ROBO2: variants seen among roughly 807,000 people sequenced by gnomAD.
ROBO2 encodes roundabout homolog 2.
A neutral mutation model predicts 160.8 loss-of-function variants in ROBO2; 53 were observed. That is an observed-to-expected ratio of 0.33 (90% confidence interval 0.26 to 0.41). ROBO2 has a LOEUF of 0.41. ROBO2 is among the 10% of genes least tolerant of loss of function. The pLI, the probability that ROBO2 is intolerant of heterozygous loss-of-function variation, is 1.00. For missense variants in ROBO2, 1,577 were observed against 1,722.4 expected (o/e 0.92, Z 1.49); for synonymous variants, 664 against 611.7 (o/e 1.09, Z -1.26).
chr3:77,407,904 T>G (rs965479722), intron 2 of ROBO2, among the ~76,000 whole-genome samples: 1 of 152,188 alleles, frequency 6.6e-6, no homozygotes, highest in African/African-American at 2.4e-5. Flanking sequence ...GAATTGTAAG[T>G]TTACACTTGT....
intron 2 of ROBO2, among the ~76,000 whole-genome samples, chr3:76,578,045 G>C (rs2085418144): frequency 6.6e-6 from 1 of 152,034 alleles, no homozygotes; most frequent in Admixed American, 6.6e-5. Context: ...CAATTAATAA[G>C]AGCAAAGAAA....
At chr3:76,392,973 A>T (rs1362582230) in intron 2 of ROBO2, among the ~76,000 whole-genome samples, 3 of 152,198 alleles carry the variant, frequency 2.0e-5, no homozygotes, top group South Asian at 2.1e-4. Context: ...ATTGGCTTCC[A>T]TGCACATTTT....
chr3:76,605,521 A>G (rs577324181), intron 2 of ROBO2, among the ~76,000 whole-genome samples: 1 of 152,318 alleles, frequency 6.6e-6, no homozygotes, highest in Non-Finnish European at 1.5e-5. Context: ...TAGTTATATA[A>G]AAGTTGTACA....
At chr3:76,387,442 TTTTA>T (rs1321954228) in intron 2 of ROBO2, among the ~76,000 whole-genome samples, 1 of 151,468 alleles carries the variant, frequency 6.6e-6, no homozygotes, top group African/African-American at 2.4e-5. Context: ...AGTATTTATT[TTTTA>T]TTTGTTAGAA....
At chr3:76,185,215 T>TATACACAC in intron 2 of ROBO2, among the ~76,000 whole-genome samples, 1 of 90,312 alleles carries the variant, frequency 1.1e-5, no homozygotes, top group African/African-American at 3.8e-5. Context: ...TATATATATA[T>TATACACAC]ACACACACAA....
intron 2 of ROBO2, among the ~76,000 whole-genome samples, chr3:76,028,277 G>T (rs1294978399): frequency 6.6e-6 from 1 of 151,632 alleles, no homozygotes; most frequent in African/African-American, 2.4e-5. Flanking sequence ...AATACATGAA[G>T]GTAAACTAGG....
At chr3:76,406,391 T>A (rs2078125688) in intron 2 of ROBO2, among the ~76,000 whole-genome samples, 1 of 151,924 alleles carries the variant, frequency 6.6e-6, no homozygotes, top group Non-Finnish European at 1.5e-5. Context: ...TAGCAATAGT[T>A]GTAAACAGAT....
intron 2 of ROBO2, among the ~76,000 whole-genome samples, chr3:76,931,206 G>A (rs1577582269): frequency 6.6e-6 from 1 of 151,658 alleles, no homozygotes; most frequent in Non-Finnish European, 1.5e-5. Flanking sequence ...GTGAAAATTA[G>A]AAAAAAAATT....
chr3:76,947,224 A>G lies in ROBO2; in HGVS notation c.110-150790A>G, dbSNP rs374303266. Among the ~76,000 whole-genome samples the G allele has an allele frequency of 5.9e-5, 9 of 152,170 alleles. No homozygotes were observed. The East Asian group carries it at 1.5e-3, about 26-fold the overall frequency. ...ATAGTATCTATAAAAAATAAATATT[A>G]TAATATATTTAACCCATCTATTTAG... is the stretch of plus-strand genomic sequence containing the variant. On this transcript the variant is annotated intron_variant, in intron 2 of 26. Coordinates refer to the ROBO2 transcript ENST00000487694.
intron 2 of ROBO2, among the ~76,000 whole-genome samples, chr3:76,747,266 T>A (rs1218233117): frequency 6.6e-6 from 1 of 152,164 alleles, no homozygotes; most frequent in African/African-American, 2.4e-5. Flanking sequence ...TGCAGAGCAG[T>A]GTACGCAAAA....
intron 5 of ROBO2, among the ~76,000 whole-genome samples, chr3:77,497,915 T>C (rs1464155756): frequency 6.6e-6 from 1 of 152,110 alleles, no homozygotes; most frequent in Non-Finnish European, 1.5e-5. Context: ...AATACATTTG[T>C]AACCAAAGAT....
chr3:76,192,568 ACACG>A (rs1702066690), intron 2 of ROBO2, among the ~76,000 whole-genome samples: 2 of 132,754 alleles, frequency 1.5e-5, no homozygotes, highest in Non-Finnish European at 3.3e-5. Flanking sequence ...ACACACACAC[ACACG>A]TCATAAAAGT....
In ROBO2 at chr3:76,545,465, G is replaced by C. The variant is rs536842798; in HGVS notation, c.110-552549G>C. ...AATGTGGAAGTTTTCTTAAGATAAG[G>C]CTTACAAGTAATTACTGGGGAAACT... is the stretch of plus-strand genomic sequence containing the variant. On this transcript the variant is annotated intron_variant, in intron 2 of 26. Coordinates refer to the ROBO2 transcript ENST00000487694. 2.8e-4 allele frequency among the ~76,000 whole-genome samples: 43 copies of C among 152,006 alleles called. 1 individual carries two copies. Among genetic ancestry groups the C allele is most frequent in the Admixed American group, 2.5e-3 (38 of 15,254 alleles).
At chr3:77,008,182 T>C (rs1338300342) in intron 2 of ROBO2, among the ~76,000 whole-genome samples, 1 of 152,058 alleles carries the variant, frequency 6.6e-6, no homozygotes, top group Non-Finnish European at 1.5e-5. Context: ...AAAAAAGAAG[T>C]TCGGTTTCTT....
chr3:77,129,799 A>C (rs2075684807), intron 2 of ROBO2, among the ~76,000 whole-genome samples: 1 of 152,120 alleles, frequency 6.6e-6, no homozygotes, highest in Non-Finnish European at 1.5e-5. Flanking sequence ...GTTGTAGTTC[A>C]GACTGGCAGC....
intron 17 of ROBO2, among the ~76,000 whole-genome samples, chr3:77,591,457 G>T (rs1387220000): frequency 6.6e-6 from 1 of 152,126 alleles, no homozygotes; most frequent in Non-Finnish European, 1.5e-5. Context: ...TTCATCCTGT[G>T]AGGTAATATT....
chr3:76,221,073 A>T (rs527765823), intron 2 of ROBO2, among the ~76,000 whole-genome samples: 116 of 152,312 alleles, frequency 7.6e-4, no homozygotes, highest in Non-Finnish European at 1.5e-3. Context: ...ACTCTTCTTT[A>T]CTTCCATTGA....
At chr3:77,009,763 T>C (rs1015926112) in intron 2 of ROBO2, among the ~76,000 whole-genome samples, 1 of 151,848 alleles carries the variant, frequency 6.6e-6, no homozygotes, top group Non-Finnish European at 1.5e-5. Flanking sequence ...TTGGCCATCA[T>C]GGTGAAAACC....
chr3:76,180,640 G>A (rs1028362018), intron 2 of ROBO2, among the ~76,000 whole-genome samples: 4 of 152,036 alleles, frequency 2.6e-5, no homozygotes, highest in Non-Finnish European at 5.9e-5. Context: ...CTGCTGCAAC[G>A]ATCTTATTTC....
Sources: gnomAD v4.1 joint callset for allele counts (sites outside exome capture counted in the v4.1 genomes callset) on GRCh38, gnomAD v4.1.1 for gene constraint, MANE v1.5 for transcripts, NCBI Gene and HGNC (gene_info 2026-07-23, HGNC 2026-07-21) for gene names.